PARD6G: variants seen among roughly 807,000 people sequenced by gnomAD.
The protein encoded by PARD6G is par-6 family cell polarity regulator gamma, also known as partitioning defective 6 homolog gamma.
Under a neutral mutation model 10.7 loss-of-function variants are expected in PARD6G, and 7 were observed. The ratio of observed to expected loss-of-function variants is 0.66; its 90% confidence interval spans 0.37 to 1.23. The LOEUF (loss-of-function observed/expected upper bound fraction) is 1.23. Ranked by LOEUF, PARD6G falls within the 50% of genes most tolerant of loss-of-function variation. The pLI, the probability that PARD6G is intolerant of heterozygous loss-of-function variation, is 0.02. For synonymous variants in PARD6G, 287 were observed against 269.4 expected, an observed-to-expected ratio of 1.07 and a Z score of -0.64; for missense variants, 548 against 571.8, an observed-to-expected ratio of 0.96 and a Z score of 0.42.
chr18:80,186,314 C>A (rs919464951), intron 2 of PARD6G, among the ~76,000 whole-genome samples: 24 of 147,206 alleles, frequency 1.6e-4, no homozygotes, highest in African/African-American at 6.1e-4. Flanking sequence ...CACACATGCA[C>A]CCTCACATGC....
In PARD6G at chr18:80,231,628, T is replaced by G. The variant is rs1967358580; in HGVS notation, c.72+15649A>C. 6.6e-6 allele frequency among the ~76,000 whole-genome samples: 1 copy of G among 152,136 alleles called. No individual in the cohort carries two copies. The highest frequency in any genetic ancestry group is 1.5e-5 in the Non-Finnish European group (1 of 68,024). On this transcript the variant is annotated intron_variant, in intron 1 of 2. Transcript: ENST00000353265. This position sits in a 1 kb window ranked among gnomAD's most constrained non-coding sequence, Gnocchi z 4.2. ...CTGATCCTGTTCCTCCTTCATAAAATAGATAAAAACATTCATCCCAGGGTT... is the reference window on the plus strand; with the variant it reads ...CTGATCCTGTTCCTCCTTCATAAAAGAGATAAAAACATTCATCCCAGGGTT...
intron 1 of PARD6G, among the ~76,000 whole-genome samples, chr18:80,208,077 TA>T (rs1312301667): frequency 2.0e-5 from 3 of 151,728 alleles, no homozygotes; most frequent in Admixed American, 2.0e-4. Flanking sequence ...CTGCAGCATT[TA>T]GATTTCACTG....
At chr18:80,194,509 CA>C (rs1005281451) in intron 2 of PARD6G, among the ~76,000 whole-genome samples, 32 of 152,224 alleles carry the variant, frequency 2.1e-4, no homozygotes, top group African/African-American at 7.5e-4. Context: ...AGCAGTAGAA[CA>C]TTACGTGTTT....
intron 1 of PARD6G, among the ~76,000 whole-genome samples, chr18:80,222,411 C>A (rs1713743202): frequency 6.6e-6 from 1 of 152,116 alleles, no homozygotes; most frequent in African/African-American, 2.4e-5. Context: ...ATTGTTAAGA[C>A]AGCAATACTC....
intron 1 of PARD6G, among the ~76,000 whole-genome samples, chr18:80,229,663 C>T (rs138311962): frequency 3.3e-5 from 5 of 152,264 alleles, no homozygotes; most frequent in African/African-American, 7.2e-5. Flanking sequence ...ATGGTTTGCT[C>T]GAGCCAGAAG....
chr18:80,236,632 C>A (rs1482247917), intron 1 of PARD6G, among the ~76,000 whole-genome samples: 3 of 152,164 alleles, frequency 2.0e-5, no homozygotes, highest in African/African-American at 7.2e-5. Context: ...TCTCCTTAAG[C>A]TGATAAGCAA....
chr18:80,181,984 C>T lies in PARD6G; in HGVS notation c.295+20726G>A, dbSNP rs944513700. On this transcript the variant is annotated intron_variant, in intron 2 of 2. Coordinates refer to ENST00000353265, the MANE Select transcript of PARD6G (RefSeq NM_032510.4). This position sits in a 1 kb window ranked among gnomAD's most constrained non-coding sequence, Gnocchi z 7.9. ...GAAGCCCTTTGCAGAGTTCAGAGCTCTCGCAGGCCTCGTGTTCAACTCCTC... is the reference window on the plus strand; with the variant it reads ...GAAGCCCTTTGCAGAGTTCAGAGCTTTCGCAGGCCTCGTGTTCAACTCCTC... 6.6e-6 allele frequency among the ~76,000 whole-genome samples: 1 copy of T among 152,192 alleles called. No individual in the cohort carries two copies. The highest frequency in any genetic ancestry group is 1.5e-5 in the Non-Finnish European group (1 of 68,046).
intron 2 of PARD6G, among the ~76,000 whole-genome samples, chr18:80,177,012 TGCGC>T (rs532265033): frequency 9.7e-6 from 1 of 103,372 alleles, no homozygotes; most frequent in Non-Finnish European, 1.9e-5. Flanking sequence ...GAGAAGCACG[TGCGC>T]GCGCGCGTGC....
In PARD6G at chr18:80,159,854, T is replaced by A; in HGVS notation, c.1048A>T (p.Ser350Cys). The A allele has an allele frequency of 6.6e-7, 1 of 1,508,196 alleles. No individual in the cohort carries two copies. The highest frequency in any genetic ancestry group is 1.3e-5 in the South Asian group (1 of 79,430). The allele number at this position is 1,508,196 out of a possible 1,614,324, so 93.4% of individuals were successfully genotyped here. The change falls in exon 3 of 3, where the codon AGC becomes TGC. Residue 350 changes from serine to cysteine, a missense_variant. By Grantham distance (112) the Ser-to-Cys change is moderately radical. This residue lies in a region of PARD6G where 313 missense variants were observed against 279.9 expected (regional missense o/e 1.12). Transcript: ENST00000353265. ...TGACGGGGGTCGGCCCGCAGGGAGC[T>A]GAGCAGCCGCTGGAGGCCGCCGTCC... ...ALDGGLQRLL[S>C]SLRADPRHSL...
intron 2 of PARD6G, among the ~76,000 whole-genome samples, chr18:80,193,860 A>T (rs1233212632): frequency 6.6e-6 from 1 of 151,890 alleles, no homozygotes; most frequent in Non-Finnish European, 1.5e-5. Flanking sequence ...AGCACCTCTC[A>T]CCCCAACTCT....
At chr18:80,196,292 A>G (rs943091705) in intron 2 of PARD6G, among the ~76,000 whole-genome samples, 18 of 152,236 alleles carry the variant, frequency 1.2e-4, no homozygotes, top group African/African-American at 4.1e-4. Flanking sequence ...GTCTACAGTG[A>G]GAGGCCTGGA....
At chr18:80,223,913 G>A (rs1450335156) in intron 1 of PARD6G, among the ~76,000 whole-genome samples, 1 of 152,216 alleles carries the variant, frequency 6.6e-6, no homozygotes, top group Non-Finnish European at 1.5e-5. Flanking sequence ...TTACAGAGGA[G>A]GCACAGGATA....
chr18:80,224,495 T>G (rs1338611436), intron 1 of PARD6G, among the ~76,000 whole-genome samples: 1 of 152,200 alleles, frequency 6.6e-6, no homozygotes, highest in Non-Finnish European at 1.5e-5. Context: ...TGGTGTGTGC[T>G]TCAAAGCTGG....
intron 2 of PARD6G, among the ~76,000 whole-genome samples, chr18:80,191,634 G>C (rs576516966): frequency 2.6e-5 from 4 of 152,180 alleles, no homozygotes; most frequent in Non-Finnish European, 4.4e-5. Context: ...AAATCATTTA[G>C]GTTTTGGTCT....
At chr18:80,244,181 C>G (rs1356438721) in intron 1 of PARD6G, among the ~76,000 whole-genome samples, 1 of 152,082 alleles carries the variant, frequency 6.6e-6, no homozygotes, top group East Asian at 1.9e-4. Flanking sequence ...CGTGAAACAC[C>G]CTAACCCTCT....
At chr18:80,174,905 T>C (rs1317749125) in intron 2 of PARD6G, among the ~76,000 whole-genome samples, 1 of 151,890 alleles carries the variant, frequency 6.6e-6, no homozygotes, top group Non-Finnish European at 1.5e-5. Context: ...GCCGAGATTG[T>C]ACCACTGCAC....
At position 80,202,865 on chromosome 18, in the gene PARD6G, T is replaced by C. The variant is rs1216916810; in HGVS notation, c.140A>G (p.Lys47Arg). ...HKPGKFEDFY[K>R]LVVHTHHISN... ...GATATGGTGGGTGTGCACAACCAGC[T>C]TGTAGAAATCTTCAAACTTCCCAGG... The change falls in exon 2 of 3, where the codon AAG becomes AGG. Residue 47 changes from lysine to arginine, a missense_variant. Around this residue, in one of 2 missense-constraint regions of PARD6G, gnomAD observed 235 missense variants for 291.9 expected, o/e 0.81. Coordinates refer to ENST00000353265, the MANE Select transcript of PARD6G (RefSeq NM_032510.4). 3.7e-6 allele frequency: 6 copies of C among 1,606,254 alleles called. No homozygotes were observed. The highest frequency in any genetic ancestry group is 1.1e-5 in the South Asian group (1 of 90,898).
chr18:80,177,010 C>T (rs185317050), intron 2 of PARD6G, among the ~76,000 whole-genome samples: 15 of 117,838 alleles, frequency 1.3e-4, no homozygotes, highest in East Asian at 5.1e-4. Flanking sequence ...AAGAGAAGCA[C>T]GTGCGCGCGC....
intron 2 of PARD6G, among the ~76,000 whole-genome samples, chr18:80,177,661 T>A (rs1388611199): frequency 1.6e-5 from 2 of 127,288 alleles, no homozygotes; most frequent in African/African-American, 3.0e-5. Context: ...CATGCATGCA[T>A]GCACACACAC....
Sources: allele counts gnomAD v4.1 joint callset (sites outside exome capture counted in the v4.1 genomes callset), GRCh38; gene constraint gnomAD v4.1.1; regional missense constraint gnomAD v4.1.1; non-coding constraint Gnocchi (gnomAD v3.1); transcripts MANE v1.5; gene names NCBI Gene and HGNC (gene_info 2026-07-23, HGNC 2026-07-21).